PTPRM: variants seen among roughly 807,000 people sequenced by gnomAD.
PTPRM encodes the protein protein tyrosine phosphatase receptor type M.
A neutral mutation model predicts 186.7 loss-of-function variants in PTPRM; 47 were observed. That is an observed-to-expected ratio of 0.25 (90% CI 0.20 to 0.32). PTPRM has a LOEUF of 0.32. PTPRM is among the 10% of genes least tolerant of loss of function. The probability of loss-of-function intolerance (pLI) is 1.00; values close to 1 mark genes in which losing one functional copy is unlikely to be tolerated. For missense variants in PTPRM, 1,494 were observed against 1,865.0 expected, an observed-to-expected ratio of 0.80 and a Z score of 3.66; for synonymous variants, 668 against 674.9, an observed-to-expected ratio of 0.99 and a Z score of 0.16.
intron 17 of PTPRM, 26 bp from the exon 18 acceptor site, chr18:8,252,462 T>TC (rs772980865): frequency 4.6e-6 from 7 of 1,528,562 alleles, no homozygotes; most frequent in Non-Finnish European, 4.5e-6. Context: ...CCTCCTTTTT[T>TC]CTCCTGATAT....
chr18:7,665,127 C>A (rs896060402), intron 1 of PTPRM, among the ~76,000 whole-genome samples: 1 of 152,110 alleles, frequency 6.6e-6, no homozygotes, highest in African/African-American at 2.4e-5. Context: ...TCAGGGATTG[C>A]AATTAATTTG....
At chr18:7,790,405 A>T (rs935380940) in intron 2 of PTPRM, among the ~76,000 whole-genome samples, 1 of 152,184 alleles carries the variant, frequency 6.6e-6, no homozygotes, top group African/African-American at 2.4e-5. Context: ...CAGAGGTCAG[A>T]TGCTTTTTCA....
At chr18:8,255,896 A>G (rs1159127444) in intron 19 of PTPRM, among the ~76,000 whole-genome samples, 1 of 152,104 alleles carries the variant, frequency 6.6e-6, no homozygotes, top group African/African-American at 2.4e-5. Flanking sequence ...CCCCCTAAGA[A>G]GCGTGTGTCA....
chr18:7,568,002 G>T lies in PTPRM; in HGVS notation c.73+111G>T, dbSNP rs1488694107. 2.7e-5 allele frequency: 29 copies of T among 1,064,540 alleles called. No individual in the cohort carries two copies. Among genetic ancestry groups the T allele is most frequent in the Middle Eastern group, 3.2e-4 (1 of 3,172 alleles). 65.9% of individuals were successfully genotyped at this position (1,064,540 alleles called of 1,614,324 possible). On this transcript the variant is annotated intron_variant, in intron 1 of 32. Transcript: ENST00000580170. This position sits in a 1 kb window ranked among gnomAD's most constrained non-coding sequence, Gnocchi z 5.1. ...CCTAAGGCTGGCGTCGGGGCCGGGC[G>T]GGGGGCGCGGCGGGCCGGACACCGC...
intron 2 of PTPRM, among the ~76,000 whole-genome samples, chr18:7,796,979 G>A (rs1248644525): frequency 3.9e-5 from 6 of 152,152 alleles, no homozygotes; most frequent in Non-Finnish European, 7.3e-5. Context: ...TCTGTGACAC[G>A]TATGCAGTGG....
intron 1 of PTPRM, chr18:7,747,762 A>G (rs1358884227): frequency 2.0e-5 from 3 of 152,184 alleles, no homozygotes. Flanking sequence ...TCAACGAATT[A>G]TGTCTGCAAT....
intron 7 of PTPRM, among the ~76,000 whole-genome samples, chr18:8,058,996 CATT>C (rs1352625406): frequency 9.3e-6 from 1 of 107,920 alleles, no homozygotes; most frequent in Admixed American, 9.4e-5. Context: ...TGACGAAAGT[CATT>C]GGTAGCTTGA....
Position 7,904,562 on chromosome 18 carries a change from G to A in PTPRM, c.469-1943G>A, listed in dbSNP as rs184771653. Among the ~76,000 whole-genome samples, 8 of 152,228 alleles carry A rather than the reference G, an allele frequency of 5.3e-5. No homozygotes were observed. In the East Asian group the frequency reaches 1.2e-3, roughly 22 times the overall value. On this transcript the variant is annotated intron_variant, in intron 3 of 32. Coordinates refer to ENST00000580170, the MANE Select transcript of PTPRM (RefSeq NM_001105244.2). ...GTGTTTTTCACTCACCATAGCTATCGGGAAGTTCACCCAAGTTGTTAGGTA... is the reference window on the plus strand; with the variant it reads ...GTGTTTTTCACTCACCATAGCTATCAGGAAGTTCACCCAAGTTGTTAGGTA...
intron 1 of PTPRM, among the ~76,000 whole-genome samples, chr18:7,606,737 A>G (rs1357420700): frequency 6.6e-6 from 1 of 152,158 alleles, no homozygotes; most frequent in Non-Finnish European, 1.5e-5. Flanking sequence ...GCCCTTCATT[A>G]TCTTTCTAGT....
intron 31 of PTPRM, 61 bp from the exon 32 acceptor site, chr18:8,394,415 T>C (rs959476603): frequency 1.3e-6 from 2 of 1,514,570 alleles, no homozygotes; most frequent in Non-Finnish European, 8.9e-7. Flanking sequence ...TTTCCACAGG[T>C]GTTTGCAAGA....
At chr18:7,912,511 T>G (rs1406356289) in intron 4 of PTPRM, among the ~76,000 whole-genome samples, 3 of 152,038 alleles carry the variant, frequency 2.0e-5, no homozygotes, top group Non-Finnish European at 4.4e-5. Flanking sequence ...CTGAATCCTT[T>G]GTACTTTCTT....
chr18:7,578,578 G>T (rs557688174), intron 1 of PTPRM, among the ~76,000 whole-genome samples: 1 of 151,522 alleles, frequency 6.6e-6, no homozygotes, highest in East Asian at 1.9e-4. Flanking sequence ...CTCGTGATCC[G>T]CCCACCTTGG....
chr18:7,584,964 A>G (rs1028020020), intron 1 of PTPRM, among the ~76,000 whole-genome samples: 9 of 152,236 alleles, frequency 5.9e-5, no homozygotes, highest in African/African-American at 7.2e-5. Flanking sequence ...GGGATATCCA[A>G]GCAAGTCGAG....
chr18:8,068,874 C>T (rs956788330), intron 7 of PTPRM, among the ~76,000 whole-genome samples: 15 of 152,036 alleles, frequency 9.9e-5, no homozygotes, highest in African/African-American at 3.1e-4. Flanking sequence ...CCAAGGCAGG[C>T]GGATCACGAG....
chr18:7,826,369 A>G (rs1223809809), intron 2 of PTPRM, among the ~76,000 whole-genome samples: 1 of 152,248 alleles, frequency 6.6e-6, no homozygotes, highest in Non-Finnish European at 1.5e-5. Flanking sequence ...CTCTTCCCGT[A>G]CAGCAAGCTG....
At chr18:8,309,374 G>T (rs966460106) in intron 20 of PTPRM, among the ~76,000 whole-genome samples, 2 of 152,052 alleles carry the variant, frequency 1.3e-5, no homozygotes, top group African/African-American at 4.8e-5. Context: ...GTATCTCATT[G>T]TAAGCTGGGC....
intron 1 of PTPRM, among the ~76,000 whole-genome samples, chr18:7,585,555 A>G (rs1195121931): frequency 6.6e-6 from 1 of 152,084 alleles, no homozygotes; most frequent in Non-Finnish European, 1.5e-5. Flanking sequence ...AAGATTCATG[A>G]CTCAAAATAT....
intron 2 of PTPRM, among the ~76,000 whole-genome samples, chr18:7,788,359 A>C (rs2043185542): frequency 6.6e-6 from 1 of 152,198 alleles, no homozygotes; most frequent in Non-Finnish European, 1.5e-5. Flanking sequence ...TAATTCTATG[A>C]AGGTTGAGAT....
intron 1 of PTPRM, among the ~76,000 whole-genome samples, chr18:7,700,831 A>T (rs143459260): frequency 6.6e-6 from 1 of 152,008 alleles, no homozygotes; most frequent in African/African-American, 2.4e-5. Flanking sequence ...GTCTACAAAA[A>T]ATACAAAAAT....
Sources: allele counts gnomAD v4.1 joint callset (sites outside exome capture counted in the v4.1 genomes callset), GRCh38; gene constraint gnomAD v4.1.1; non-coding constraint Gnocchi (gnomAD v3.1); transcripts MANE v1.5; gene names NCBI Gene and HGNC (gene_info 2026-07-23, HGNC 2026-07-21).